The following RALYL variants were observed in gnomAD, a reference collection of about 807,000 sequenced individuals.
RALYL encodes the protein RALY RNA binding protein like.
Under a neutral mutation model 35.1 loss-of-function variants are expected in RALYL, and 29 were observed. That is an observed-to-expected ratio of 0.83 (90% CI 0.61 to 1.13). The LOEUF (loss-of-function observed/expected upper bound fraction) is 1.13. Ranked by LOEUF, RALYL falls within the 50% of genes most tolerant of loss-of-function variation. The pLI is 0.00. For missense variants in RALYL, 359 were observed against 360.4 expected (o/e 1.00, Z 0.03); for synonymous variants, 120 against 127.6 (o/e 0.94, Z 0.40).
At chr8:84,788,893 G>A (rs1235390409) in intron 3 of RALYL, among the ~76,000 whole-genome samples, 1 of 152,212 alleles carries the variant, frequency 6.6e-6, no homozygotes, top group African/African-American at 2.4e-5. Context: ...AGTGGAATGA[G>A]CAATCAGGAA....
intron 2 of RALYL, among the ~76,000 whole-genome samples, chr8:84,582,335 A>G (rs908289892): frequency 6.6e-6 from 1 of 152,122 alleles, no homozygotes; most frequent in South Asian, 2.1e-4. Context: ...GTTATAACAA[A>G]CGTAACTCAT....
At chr8:84,739,271 C>T (rs1174846485) in intron 2 of RALYL, among the ~76,000 whole-genome samples, 1 of 151,778 alleles carries the variant, frequency 6.6e-6, no homozygotes, top group African/African-American at 2.4e-5. Context: ...AAACAATTAT[C>T]AAATACTTCA....
intron 1 of RALYL, among the ~76,000 whole-genome samples, chr8:84,498,683 C>T (rs1296265058): frequency 6.6e-6 from 1 of 152,120 alleles, no homozygotes; most frequent in African/African-American, 2.4e-5. Context: ...TTCACATCCA[C>T]ATGAAACTGC....
At chr8:84,894,599 T>C (rs1844421091) in intron 8 of RALYL, among the ~76,000 whole-genome samples, 1 of 152,136 alleles carries the variant, frequency 6.6e-6, no homozygotes. Flanking sequence ...GTGACCTGCA[T>C]GGGTCATGCA....
chr8:84,768,120 A>G (rs1340093050), intron 2 of RALYL, among the ~76,000 whole-genome samples: 1 of 152,166 alleles, frequency 6.6e-6, no homozygotes, highest in East Asian at 1.9e-4. Context: ...TCATTCTTCC[A>G]TTTACTCTAC....
chr8:84,348,696 A>G (rs73294934), intron 1 of RALYL, among the ~76,000 whole-genome samples: 10,230 of 152,020 alleles, frequency 0.067, 432 homozygotes, highest in African/African-American at 0.094. Context: ...TTCAATTTAA[A>G]AATTTAATCC....
chr8:84,439,458 G>A (rs958675071), intron 1 of RALYL, among the ~76,000 whole-genome samples: 2 of 152,040 alleles, frequency 1.3e-5, no homozygotes, highest in East Asian at 3.9e-4. Context: ...ATACAAACAA[G>A]TGCACTTAGA....
At chr8:84,194,699 A>C (rs2130915418) in intron 1 of RALYL, among the ~76,000 whole-genome samples, 1 of 152,312 alleles carries the variant, frequency 6.6e-6, no homozygotes, top group South Asian at 2.1e-4. Context: ...TGCTCTGTTG[A>C]GATCTCATTC....
chr8:84,490,079 A>ACGTGTGTG (rs2055101407), intron 1 of RALYL, among the ~76,000 whole-genome samples: 2 of 144,366 alleles, frequency 1.4e-5, no homozygotes, highest in African/African-American at 5.2e-5. Flanking sequence ...GCTTGCGTGC[A>ACGTGTGTG]TGTGTGTGTG....
chr8:84,623,383 A>G lies in RALYL; in HGVS notation c.256+93806A>G, dbSNP rs1265624636. 3.9e-5 allele frequency among the ~76,000 whole-genome samples: 6 copies of G among 152,200 alleles called. No homozygotes were observed. In the South Asian group the frequency reaches 6.2e-4, roughly 16 times the overall value. On this transcript the variant is annotated intron_variant, in intron 2 of 8. Transcript: ENST00000521268. ...CTTCAAAGGGCATATCTTGATATGT[A>G]TAGAAGGATAGTGTTGAAAATAATT... is the stretch of plus-strand genomic sequence containing the variant.
chr8:84,877,495 A>AAT (rs141125949), intron 7 of RALYL, among the ~76,000 whole-genome samples: 2,407 of 149,354 alleles, frequency 0.016, 29 homozygotes, highest in Middle Eastern at 0.038. Flanking sequence ...AAAACAAATA[A>AAT]ATATATATAT....
At chr8:84,566,925 A>G (rs1034999689) in intron 2 of RALYL, among the ~76,000 whole-genome samples, 25 of 151,706 alleles carry the variant, frequency 1.6e-4, no homozygotes, top group Non-Finnish European at 3.4e-4. Flanking sequence ...ACATTTGAAT[A>G]TAATTCTCTC....
intron 4 of RALYL, among the ~76,000 whole-genome samples, chr8:84,820,708 C>T (rs1328485129): frequency 6.6e-6 from 1 of 152,186 alleles, no homozygotes; most frequent in Admixed American, 6.5e-5. Context: ...CCCCTTTCCC[C>T]TTGCCCCCTG....
At chr8:84,666,468 G>T (rs747592205) in intron 2 of RALYL, among the ~76,000 whole-genome samples, 1 of 152,036 alleles carries the variant, frequency 6.6e-6, no homozygotes, top group African/African-American at 2.4e-5. Context: ...GGAGGTTAAA[G>T]TTTGAGAGAC....
chr8:84,469,226 T>G (rs1402805809), intron 1 of RALYL, among the ~76,000 whole-genome samples: 2 of 152,142 alleles, frequency 1.3e-5, no homozygotes, highest in Non-Finnish European at 2.9e-5. Flanking sequence ...TCTCTGCTTT[T>G]TAGAGTTTCC....
Position 84,299,211 on chromosome 8 carries a change from A to G in RALYL, c.-24+114787A>G, listed in dbSNP as rs192578796. On this transcript the variant is annotated intron_variant, in intron 1 of 8. Coordinates refer to ENST00000521268, the MANE Select transcript of RALYL (RefSeq NM_173848.7). ...GGATTTTATTGAAAGCCTTTTCTGC[A>G]TCTATTAAGATGACCATGAGGTTTT... is the stretch of plus-strand genomic sequence containing the variant. 1.1e-4 allele frequency among the ~76,000 whole-genome samples: 17 copies of G among 152,132 alleles called. No individual in the cohort carries two copies. In the East Asian group the frequency reaches 3.3e-3, roughly 29 times the overall value.
intron 2 of RALYL, among the ~76,000 whole-genome samples, chr8:84,752,835 G>T (rs1810401166): frequency 1.3e-5 from 2 of 152,194 alleles, no homozygotes; most frequent in African/African-American, 4.8e-5. Context: ...CGGATGTATG[G>T]AAAAGCCTGG....
chr8:84,902,747 G>A (rs1845902918), intron 8 of RALYL, among the ~76,000 whole-genome samples: 1 of 152,130 alleles, frequency 6.6e-6, no homozygotes, highest in Non-Finnish European at 1.5e-5. Context: ...AAATCACTGA[G>A]TCTCTGAGGC....
At chr8:84,577,606 C>T (rs1209271862) in intron 2 of RALYL, among the ~76,000 whole-genome samples, 2 of 152,008 alleles carry the variant, frequency 1.3e-5, no homozygotes, top group Non-Finnish European at 2.9e-5. Context: ...TATGAATTCC[C>T]CTTTTTTTTA....
Sources: allele counts gnomAD v4.1 joint callset (sites outside exome capture counted in the v4.1 genomes callset), GRCh38; gene constraint gnomAD v4.1.1; transcripts MANE v1.5; gene names NCBI Gene and HGNC (gene_info 2026-07-23, HGNC 2026-07-21).